The following AMPD3 variants were observed in gnomAD, a reference collection of about 807,000 sequenced individuals.
AMPD3 encodes the protein AMP deaminase 3.
A neutral mutation model predicts 82.3 loss-of-function variants in AMPD3; 57 were observed. The ratio of observed to expected loss-of-function variants is 0.69; its 90% confidence interval spans 0.56 to 0.86. The LOEUF is 0.86. Among genes scored for constraint, AMPD3 ranks in the 40% least tolerant of loss-of-function variants. The probability of loss-of-function intolerance (pLI) is 0.00; values close to 1 mark genes in which losing one functional copy is unlikely to be tolerated. For synonymous variants in AMPD3, 381 were observed against 394.7 expected (o/e 0.97, Z 0.41); for missense variants, 870 against 1,003.8 (o/e 0.87, Z 1.80).
chr11:10,455,430 G>C lies in AMPD3; in HGVS notation c.-24G>C. 1 of 985,440 alleles carries C rather than the reference G, an allele frequency of 1.0e-6. No individual in the cohort carries two copies. Among genetic ancestry groups the C allele is most frequent in the Non-Finnish European group, 1.2e-6 (1 of 829,998 alleles). The allele number at this position is 985,440 out of a possible 1,614,324, so 61.0% of individuals were successfully genotyped here. ...CCAGCGCTCGGAGCTGGAGGCCCAC[G>C]TGGGAGCAGTGAGCGGCTGTAAGCA... On this transcript the variant is annotated 5_prime_UTR_variant, in exon 1 of 15. Transcript: ENST00000396553.
chr11:10,468,372 TA>T (rs1176064693), intron 2 of AMPD3, among the ~76,000 whole-genome samples: 5 of 150,910 alleles, frequency 3.3e-5, no homozygotes, highest in Admixed American at 1.3e-4. Flanking sequence ...GTTGCAAGTT[TA>T]ACCTCTGATA....
chr11:10,493,565 T>G (rs368630413), intron 7 of AMPD3, 22 bp downstream of exon 7: 60 of 1,612,180 alleles, frequency 3.7e-5, no homozygotes, highest in Non-Finnish European at 4.7e-5. Context: ...TCTGCTCCAG[T>G]GCCGCCAGCA....
Position 10,505,743 on chromosome 11 carries a change from AGAAGGACCT to A in AMPD3, c.2170_2178del (p.Pro724_Gly726del), listed in dbSNP as rs1252765822. On this transcript the variant is annotated inframe_deletion, in exon 15 of 15. Transcript: ENST00000396553. The stretch of plus-strand genomic sequence containing the variant: ...AGTTTCTGGGACAAAATTATTATAA[AGAAGGACCT>A]GAAGGAAATGATATTCGAAAGACAA... The A allele has an allele frequency of 6.2e-7, 1 of 1,614,128 alleles. No individual in the cohort carries two copies. The highest frequency in any genetic ancestry group is 1.3e-5 in the African/African-American group (1 of 75,070).
intron 9 of AMPD3, among the ~76,000 whole-genome samples, 183 bp downstream of exon 9, chr11:10,495,916 C>CTTTT (rs35114038): frequency 2.3e-5 from 3 of 133,174 alleles, no homozygotes; most frequent in African/African-American, 8.5e-5. Flanking sequence ...CACTAGAGCT[C>CTTTT]TTTTTTTTTT....
At chr11:10,461,798 G>T (rs1848278988) in intron 2 of AMPD3, 58 bp downstream of exon 2, 1 of 1,512,316 alleles carries the variant, frequency 6.6e-7, no homozygotes, top group African/African-American at 1.4e-5. Context: ...CAGGCAGGCT[G>T]TGGGTGTGTG....
intron 7 of AMPD3, chr11:10,494,494 C>T (rs1469635014): frequency 2.2e-6 from 2 of 893,734 alleles, no homozygotes; most frequent in Admixed American, 6.7e-5. Flanking sequence ...TTGTGTTGTA[C>T]ATGCTTTATT....
Position 10,456,231 on chromosome 11 carries a change from C to G in AMPD3, c.-6+783C>G. On this transcript the variant is annotated intron_variant, in intron 1 of 14. Transcript: ENST00000396553. This position sits in a 1 kb window ranked among gnomAD's most constrained non-coding sequence, Gnocchi z 4.3. ...CCCAGGCTTTTCCTGCTCTGGCTCA[C>G]TGCTGCTCACAGATATGCAAAACAG... 5 of 1,485,886 alleles carry G rather than the reference C, an allele frequency of 3.4e-6. No homozygotes were observed. The highest frequency in any genetic ancestry group is 4.5e-6 in the Non-Finnish European group (5 of 1,118,848). The allele number at this position is 1,485,886 out of a possible 1,614,324, so 92.0% of individuals were successfully genotyped here. A position where few individuals can be genotyped will look rare whatever the true frequency, so the allele number is the denominator to read the frequency against.
At chr11:10,450,451 G>C, upstream of AMPD3, 1 of 985,720 alleles carries the variant, frequency 1.0e-6, no homozygotes, top group East Asian at 1.1e-4. Flanking sequence ...CAAGTCACCT[G>C]TGCGGGGCCG....
intron 1 of AMPD3, among the ~76,000 whole-genome samples, chr11:10,460,193 G>A (rs1848225905): frequency 6.6e-6 from 1 of 151,024 alleles, no homozygotes. Context: ...AACCTCCCTG[G>A]CTCAAGAGAT....
chr11:10,474,675 G>A (rs116996681), intron 2 of AMPD3, among the ~76,000 whole-genome samples: 2,313 of 152,326 alleles, frequency 0.015, 33 homozygotes, highest in South Asian at 0.05. Context: ...GTCCTTGTGC[G>A]TCAAGAGGAT....
chr11:10,500,640 C>T, intron 11 of AMPD3: 1 of 985,480 alleles, frequency 1.0e-6, no homozygotes, highest in Non-Finnish European at 1.2e-6. Flanking sequence ...CGGTCACTTA[C>T]TGCCACACCA....
chr11:10,486,546 C>T, intron 5 of AMPD3: 2 of 984,800 alleles, frequency 2.0e-6, no homozygotes, highest in Non-Finnish European at 2.4e-6. Flanking sequence ...AATCTGGGGG[C>T]ATCAGTCCTT....
Position 10,496,889 on chromosome 11 carries a change from C to G in AMPD3, c.1508C>G (p.Ala503Gly), listed in dbSNP as rs777659495. 1.2e-6 allele frequency: 2 copies of G among 1,614,058 alleles called. No individual in the cohort carries two copies. Among genetic ancestry groups the G allele is most frequent in the South Asian group, 2.2e-5 (2 of 91,084 alleles). The change falls in exon 10 of 15, where the codon GCC becomes GGC. Residue 503 changes from alanine to glycine, a missense_variant. Ala to Gly is a moderately conservative substitution (Grantham distance 60, BLOSUM62 0). Transcript: ENST00000396553. ...AACATCTTCCTGCCCCTTTTCAAGG[C>G]CACTATCAACCCCCAAGATCATCGA... ...LENIFLPLFK[A>G]TINPQDHREL...
At chr11:10,493,674 A>G (rs942122311) in intron 7 of AMPD3, 131 bp downstream of exon 7, 20 of 1,037,050 alleles carry the variant, frequency 1.9e-5, no homozygotes, top group Non-Finnish European at 2.8e-5. Context: ...TATCTGACTG[A>G]GAGGTCATGC....
intron 2 of AMPD3, among the ~76,000 whole-genome samples, chr11:10,463,154 A>G (rs1216540876): frequency 6.6e-6 from 1 of 152,182 alleles, no homozygotes; most frequent in African/African-American, 2.4e-5. Context: ...CTAGTCTGTG[A>G]TCACACTAGA....
At chr11:10,504,704 G>A in intron 14 of AMPD3, 45 bp downstream of exon 14, 4 of 1,562,514 alleles carry the variant, frequency 2.6e-6, no homozygotes, top group Non-Finnish European at 3.5e-6. Context: ...TGGGAAGGCT[G>A]CCTGCTGTGT....
At position 10,484,410 on chromosome 11, in the gene AMPD3, T is replaced by C. The variant is rs185528501; in HGVS notation, c.590-410T>C. ...GGGCAGTCCAGGTGCAATCTGTTTT[T>C]TTCCTGGGAGAAGACACCGCTGCTC... On this transcript the variant is annotated intron_variant, in intron 4 of 14. Transcript: ENST00000396553. 5.1e-6 allele frequency: 5 copies of C among 985,376 alleles called. No homozygotes were observed. The East Asian group carries it at 5.7e-4, about 112-fold the overall frequency. The allele number at this position is 985,376 out of a possible 1,614,324, so 61.0% of individuals were successfully genotyped here. A position where few individuals can be genotyped will look rare whatever the true frequency, so the allele number is the denominator to read the frequency against.
chr11:10,451,036 C>T (rs766419574), upstream of AMPD3: 1 of 1,582,554 alleles, frequency 6.3e-7, no homozygotes, highest in South Asian at 1.1e-5. Context: ...CCCTGTCGTC[C>T]GAACCCGGTG....
In AMPD3 at chr11:10,456,412, G is replaced by C; in HGVS notation, c.-6+964G>C. The C allele has an allele frequency of 6.2e-7, 1 of 1,613,752 alleles. No homozygotes were observed. Among genetic ancestry groups the C allele is most frequent in the Non-Finnish European group, 8.5e-7 (1 of 1,179,692 alleles). The stretch of plus-strand genomic sequence containing the variant: ...ATGGAGCCAGGCTCAGGTCTGTGTC[G>C]GGGCTTCTGCAAGGGGAGTCTGGCA... On this transcript the variant is annotated intron_variant, in intron 1 of 14. Transcript: ENST00000396553. The surrounding 1 kb of genome is among the most constrained non-coding windows in gnomAD (Gnocchi z 4.3).
Sources: gnomAD v4.1 joint callset for allele counts (sites outside exome capture counted in the v4.1 genomes callset) on GRCh38, gnomAD v4.1.1 for gene constraint, Gnocchi (gnomAD v3.1) non-coding constraint, MANE v1.5 for transcripts, NCBI Gene and HGNC (gene_info 2026-07-23, HGNC 2026-07-21) for gene names.